Variants in ZRANB3 observed in about 807,000 individuals in gnomAD.
ZRANB3 encodes zinc finger RANBP2-type containing 3.
ZRANB3 carries 125 observed loss-of-function variants against 133.8 expected under a neutral mutation model. The ratio of observed to expected loss-of-function variants is 0.93; its 90% CI spans 0.81 to 1.08. The LOEUF (loss-of-function observed/expected upper bound fraction) is 1.08. Ranked by LOEUF, ZRANB3 falls within the 50% of genes least tolerant of loss-of-function variation. The probability of loss-of-function intolerance (pLI) is 0.00; values close to 1 mark genes in which losing one functional copy is unlikely to be tolerated. For missense variants in ZRANB3, 1,229 were observed against 1,275.5 expected (o/e 0.96, Z 0.56); for synonymous variants, 387 against 432.7 (o/e 0.89, Z 1.31).
chr2:135,294,066 T>G (rs1213008720), intron 8 of ZRANB3, among the ~76,000 whole-genome samples: 1 of 152,214 alleles, frequency 6.6e-6, no homozygotes, highest in African/African-American at 2.4e-5. Flanking sequence ...TCATTTCTTT[T>G]GTGTCTCTGC....
chr2:135,478,854 C>T (rs1691624183), intron 2 of ZRANB3, among the ~76,000 whole-genome samples: 1 of 151,564 alleles, frequency 6.6e-6, no homozygotes, highest in Non-Finnish European at 1.5e-5. Context: ...TTTATATGTA[C>T]TTAATACATG....
At chr2:135,386,996 A>T (rs979097797) in intron 3 of ZRANB3, among the ~76,000 whole-genome samples, 2 of 152,080 alleles carry the variant, frequency 1.3e-5, no homozygotes, top group African/African-American at 4.8e-5. Context: ...ATTAAAAAAA[A>T]AAAAGGAAAA....
At chr2:135,271,941 T>C in intron 9 of ZRANB3, 54 bp from the exon 10 acceptor site, 1 of 1,477,372 alleles carries the variant, frequency 6.8e-7, no homozygotes, top group Non-Finnish European at 9.0e-7. Flanking sequence ...TGTACCCATC[T>C]CATTTTATAT....
chr2:135,393,234 G>A (rs1188543193), intron 2 of ZRANB3, among the ~76,000 whole-genome samples: 1 of 151,892 alleles, frequency 6.6e-6, no homozygotes, highest in East Asian at 1.9e-4. Context: ...ATATATAAGA[G>A]TAAAAAATTT....
intron 6 of ZRANB3, among the ~76,000 whole-genome samples, chr2:135,339,244 C>G (rs755539881): frequency 2.6e-5 from 4 of 152,114 alleles, no homozygotes; most frequent in Non-Finnish European, 5.9e-5. Flanking sequence ...AAACCCGTCT[C>G]TACTAAAAAT....
At chr2:135,388,344 T>C (rs1687074130) in intron 3 of ZRANB3, among the ~76,000 whole-genome samples, 1 of 152,136 alleles carries the variant, frequency 6.6e-6, no homozygotes, top group African/African-American at 2.4e-5. Flanking sequence ...AGCCAAACCA[T>C]ATCAGAAGGG....
chr2:135,209,855 G>A (rs1479135138), intron 17 of ZRANB3, among the ~76,000 whole-genome samples: 3 of 152,090 alleles, frequency 2.0e-5, no homozygotes, highest in Non-Finnish European at 2.9e-5. Flanking sequence ...TTGTGCAATC[G>A]TAGGTAAAAT....
At chr2:135,235,295 A>G (rs1482809042) in intron 12 of ZRANB3, among the ~76,000 whole-genome samples, 2 of 152,222 alleles carry the variant, frequency 1.3e-5, no homozygotes, top group Admixed American at 6.5e-5. Context: ...GCAATAATTA[A>G]TAGCTTACCA....
chr2:135,213,524 G>C (rs1363627651), intron 17 of ZRANB3, among the ~76,000 whole-genome samples: 1 of 152,134 alleles, frequency 6.6e-6, no homozygotes, highest in African/African-American at 2.4e-5. Context: ...TTCATTTCAT[G>C]ATGCTGCTAA....
At chr2:135,402,267 T>C (rs185506982) in intron 2 of ZRANB3, among the ~76,000 whole-genome samples, 35 of 151,946 alleles carry the variant, frequency 2.3e-4, no homozygotes, top group African/African-American at 8.2e-4. Context: ...CTTTATTGCA[T>C]ATACACGTGT....
rs559286003 is a variant in ZRANB3 at position 135,249,052 on chromosome 2, C to T, written c.1539+16482G>A. On this transcript the variant is annotated intron_variant, in intron 12 of 20. Transcript: ENST00000264159. ...TGCAAATCAAAACCACAGTGAGATA[C>T]GATCTCACACCAGTCAGAATGGCTA... Among the ~76,000 whole-genome samples the T allele has an allele frequency of 4.6e-5, 7 of 152,214 alleles. No homozygotes were observed. In the East Asian group the frequency reaches 9.7e-4, roughly 21 times the overall value.
At position 135,388,852 on chromosome 2, in the gene ZRANB3, G is replaced by A. The variant is rs570303140; in HGVS notation, c.180+1950C>T. 3.9e-5 allele frequency among the ~76,000 whole-genome samples: 6 copies of A among 152,198 alleles called. No individual in the cohort carries two copies. In the South Asian group the frequency reaches 8.3e-4, roughly 21 times the overall value. On this transcript the variant is annotated intron_variant, in intron 3 of 20. Coordinates refer to ENST00000264159, the MANE Select transcript of ZRANB3 (RefSeq NM_032143.4). Reference sequence around the variant, plus strand: ...AGCACTTTGGGAGGCAGAGGCGGACGGATCACCTGAGGTCAGGAGATTGAG... The same window carrying A: ...AGCACTTTGGGAGGCAGAGGCGGACAGATCACCTGAGGTCAGGAGATTGAG...
At position 135,269,167 on chromosome 2, in the gene ZRANB3, G is replaced by A. The variant is rs772582323; in HGVS notation, c.1207-26C>T. ...CTAAGTGAAATAAAGCAAATAAATT[G>A]AGAATGTAACATACAGCCAATATAT... On this transcript the variant is annotated intron_variant, in intron 10 of 20. Transcript: ENST00000264159. 3 of 1,565,156 alleles carry A rather than the reference G, an allele frequency of 1.9e-6. No individual in the cohort carries two copies. In the South Asian group the frequency reaches 3.6e-5, roughly 19 times the overall value.
chr2:135,232,959 G>C (rs1262235928), intron 12 of ZRANB3, among the ~76,000 whole-genome samples: 1 of 152,172 alleles, frequency 6.6e-6, no homozygotes, highest in Non-Finnish European at 1.5e-5. Flanking sequence ...CTTTGACAAG[G>C]TGAGAGAAGA....
At chr2:135,268,856 G>A in intron 11 of ZRANB3, 106 bp downstream of exon 11, 1 of 1,066,058 alleles carries the variant, frequency 9.4e-7, no homozygotes. Flanking sequence ...ATCTTGATGT[G>A]CTTAAGTATC....
chr2:135,259,553 G>C (rs1679841156), intron 12 of ZRANB3, among the ~76,000 whole-genome samples: 1 of 152,130 alleles, frequency 6.6e-6, no homozygotes, highest in Admixed American at 6.6e-5. Context: ...TGAGTAGCTG[G>C]GATTACAGGC....
chr2:135,275,360 T>C (rs921162760), intron 9 of ZRANB3, among the ~76,000 whole-genome samples: 11 of 151,844 alleles, frequency 7.2e-5, no homozygotes, highest in Admixed American at 5.9e-4. Flanking sequence ...CCCACCTCCC[T>C]CCCAGATGGG....
chr2:135,529,386 A>G (rs1265903823), intron 1 of ZRANB3, among the ~76,000 whole-genome samples: 1 of 152,216 alleles, frequency 6.6e-6, no homozygotes, highest in East Asian at 1.9e-4. Flanking sequence ...TCAGGGCCTT[A>G]CGTGCTAAGA....
chr2:135,498,631 G>A (rs560275571), intron 2 of ZRANB3, among the ~76,000 whole-genome samples: 11 of 152,326 alleles, frequency 7.2e-5, no homozygotes, highest in African/African-American at 2.4e-4. Flanking sequence ...CTGCCTGAGA[G>A]CCGGGGCCAT....
Sources: gnomAD v4.1 joint callset for allele counts (sites outside exome capture counted in the v4.1 genomes callset) on GRCh38, gnomAD v4.1.1 for gene constraint, MANE v1.5 for transcripts, NCBI Gene and HGNC (gene_info 2026-07-23, HGNC 2026-07-21) for gene names.